Variants in OSBPL8 observed in about 807,000 individuals in gnomAD.
OSBPL8 encodes the protein oxysterol binding protein like 8.
In OSBPL8, 59 loss-of-function variants were observed where a neutral mutation model predicts 125.5. That is an observed-to-expected ratio of 0.47 (90% confidence interval 0.38 to 0.58). The LOEUF is 0.58. Among genes scored for constraint, OSBPL8 ranks in the 20% least tolerant of loss-of-function variants. The probability of loss-of-function intolerance (pLI) is 0.00; values close to 1 mark genes in which losing one functional copy is unlikely to be tolerated. For missense variants in OSBPL8, 758 were observed against 1,047.8 expected (o/e 0.72, Z 3.82); for synonymous variants, 330 against 338.9 (o/e 0.97, Z 0.29).
intron 4 of OSBPL8, 47 bp from the exon 5 acceptor site, chr12:76,410,681 A>G (rs759818253): frequency 8.0e-7 from 1 of 1,252,478 alleles, no homozygotes; most frequent in South Asian, 1.2e-5. Context: ...TTGAACATGT[A>G]TAATAAGTCA....
At chr12:76,513,032 T>C (rs368412080) in intron 1 of OSBPL8, among the ~76,000 whole-genome samples, 1 of 152,250 alleles carries the variant, frequency 6.6e-6, no homozygotes, top group African/African-American at 2.4e-5. Context: ...TGGTTTTGCA[T>C]CCTTAAACTT....
At chr12:76,537,365 C>A (rs1477075631) in intron 1 of OSBPL8, among the ~76,000 whole-genome samples, 1 of 152,184 alleles carries the variant, frequency 6.6e-6, no homozygotes, top group Non-Finnish European at 1.5e-5. Flanking sequence ...TACATTTATA[C>A]ATTTAAACGT....
intron 2 of OSBPL8, among the ~76,000 whole-genome samples, chr12:76,474,959 A>T (rs926804297): frequency 1.3e-5 from 2 of 152,174 alleles, no homozygotes; most frequent in South Asian, 2.1e-4. Context: ...ATGAAAACCT[A>T]CTAAGCTGAG....
rs142154242 is a variant in OSBPL8, at chr12:76,422,294, C to A, written c.218-11660G>T. 1.3e-4 allele frequency among the ~76,000 whole-genome samples: 20 copies of A among 152,134 alleles called. No individual in the cohort carries two copies. In the East Asian group the frequency reaches 3.5e-3, roughly 26 times the overall value. On this transcript the variant is annotated intron_variant, in intron 4 of 23. Transcript: ENST00000261183. The stretch of plus-strand genomic sequence containing the variant: ...ATTTATGCCGTAAGCACTCAAGATT[C>A]CTACTTTACTGAATCATTACTTCTG...
rs78468199 is a variant in OSBPL8 at position 76,487,486 on chromosome 12, C to G, written c.42+24G>C. 2,966 of 1,576,900 alleles carry G rather than the reference C, an allele frequency of 1.9e-3. 63 individuals are homozygous for G. The African/African-American group carries it at 0.037, about 19-fold the overall frequency. On this transcript the variant is annotated intron_variant, in intron 2 of 23. Transcript: ENST00000261183. ...ACTTCACAGTTACAGATGATAGAAC[C>G]TATGTCATATATGAACTACTCACCG...
rs915342028 is a variant in OSBPL8 at position 76,449,961 on chromosome 12, A to AC, written c.217+889dup. ...AAAGAATATCTATAATTATGTATAA[A>AC]CCCCCCCCATATATATATATGCATG... On this transcript the variant is annotated intron_variant, in intron 4 of 23. Coordinates refer to ENST00000261183, the MANE Select transcript of OSBPL8 (RefSeq NM_020841.5). Among the ~76,000 whole-genome samples the AC allele has an allele frequency of 2.6e-3, 390 of 151,048 alleles. 1 individual carries two copies. The highest frequency in any genetic ancestry group is 7.3e-3 in the African/African-American group (299 of 41,092).
intron 2 of OSBPL8, among the ~76,000 whole-genome samples, chr12:76,477,611 T>G (rs1876966558): frequency 6.6e-6 from 1 of 152,108 alleles, no homozygotes; most frequent in Non-Finnish European, 1.5e-5. Flanking sequence ...GAGAACTAAA[T>G]GTAACGTGAC....
At chr12:76,514,847 T>G (rs535103103) in intron 1 of OSBPL8, among the ~76,000 whole-genome samples, 5 of 152,330 alleles carry the variant, frequency 3.3e-5, no homozygotes, top group African/African-American at 1.2e-4. Flanking sequence ...CTTTTGTTCA[T>G]TCCTTTTAAC....
At chr12:76,466,566 T>A (rs1026646191) in intron 2 of OSBPL8, among the ~76,000 whole-genome samples, 9 of 152,202 alleles carry the variant, frequency 5.9e-5, no homozygotes, top group Admixed American at 5.9e-4. Context: ...ACCCAGAATT[T>A]ATCAAATAAA....
intron 4 of OSBPL8, among the ~76,000 whole-genome samples, chr12:76,433,667 C>T (rs1459146415): frequency 6.6e-6 from 1 of 151,938 alleles, no homozygotes; most frequent in Non-Finnish European, 1.5e-5. Context: ...AATCCCAATG[C>T]CATTCCTTAA....
At chr12:76,437,961 T>C (rs1157259380) in intron 4 of OSBPL8, among the ~76,000 whole-genome samples, 1 of 152,118 alleles carries the variant, frequency 6.6e-6, no homozygotes, top group Non-Finnish European at 1.5e-5. Context: ...GCAGTTAACA[T>C]AAATTAAGTA....
At chr12:76,551,164 T>C (rs779662651) in intron 1 of OSBPL8, among the ~76,000 whole-genome samples, 1 of 152,148 alleles carries the variant, frequency 6.6e-6, no homozygotes, top group East Asian at 1.9e-4. Context: ...CTTTATTGGA[T>C]ATACAGAAAT....
intron 4 of OSBPL8, among the ~76,000 whole-genome samples, chr12:76,418,562 G>A (rs978024086): frequency 6.6e-6 from 1 of 152,148 alleles, no homozygotes; most frequent in Non-Finnish European, 1.5e-5. Flanking sequence ...CAGATGAGGT[G>A]GCTCATGCCT....
chr12:76,520,380 T>C (rs74826325), intron 1 of OSBPL8, among the ~76,000 whole-genome samples: 2 of 152,110 alleles, frequency 1.3e-5, no homozygotes, highest in South Asian at 4.1e-4. Flanking sequence ...CCTCCCCCCA[T>C]TAGATCCAAG....
At chr12:76,360,527 G>A (rs996094783) in intron 21 of OSBPL8, among the ~76,000 whole-genome samples, 8 of 152,280 alleles carry the variant, frequency 5.3e-5, no homozygotes, top group Admixed American at 2.0e-4. Context: ...ACGGTGGCCC[G>A]CTTCTCACAG....
chr12:76,384,971 C>G (rs1953244685), intron 14 of OSBPL8, among the ~76,000 whole-genome samples: 1 of 152,106 alleles, frequency 6.6e-6, no homozygotes, highest in Non-Finnish European at 1.5e-5. Flanking sequence ...TTTTAGACAG[C>G]AATGGATAAC....
chr12:76,433,067 G>T (rs1477580878), intron 4 of OSBPL8, among the ~76,000 whole-genome samples: 1 of 152,102 alleles, frequency 6.6e-6, no homozygotes, highest in East Asian at 1.9e-4. Context: ...AGGTATAGAA[G>T]AAACTTATGT....
chr12:76,441,016 G>C (rs775393678), intron 4 of OSBPL8, among the ~76,000 whole-genome samples: 44 of 152,156 alleles, frequency 2.9e-4, no homozygotes, highest in Non-Finnish European at 4.6e-4. Context: ...CATCTACTTT[G>C]CTACGTTACT....
chr12:76,424,470 CATTATT>C (rs971478332), intron 4 of OSBPL8, among the ~76,000 whole-genome samples: 1 of 152,096 alleles, frequency 6.6e-6, no homozygotes, highest in South Asian at 2.1e-4. Flanking sequence ...ATAAAATGTA[CATTATT>C]ATTAACTGTA....
Sources: gnomAD v4.1 joint callset for allele counts (sites outside exome capture counted in the v4.1 genomes callset) on GRCh38, gnomAD v4.1.1 for gene constraint, MANE v1.5 for transcripts, NCBI Gene and HGNC (gene_info 2026-07-23, HGNC 2026-07-21) for gene names.